The following MYOZ3 variants were observed in gnomAD, a reference collection of about 807,000 sequenced individuals.
MYOZ3 encodes the protein myozenin-3.
A neutral mutation model predicts 26.5 loss-of-function variants in MYOZ3; 19 were observed. The ratio of observed to expected loss-of-function variants is 0.72; its 90% CI spans 0.50 to 1.05. MYOZ3 has a LOEUF of 1.05. MYOZ3 is among the 50% of genes least tolerant of loss of function. The pLI, the probability that MYOZ3 is intolerant of heterozygous loss-of-function variation, is 0.00. For synonymous variants in MYOZ3, 135 were observed against 138.8 expected, an observed-to-expected ratio of 0.97 and a Z score of 0.19; for missense variants, 322 against 337.1, an observed-to-expected ratio of 0.96 and a Z score of 0.35.
chr5:150,664,076 A>G (rs540294459), intron 2 of MYOZ3, among the ~76,000 whole-genome samples: 1 of 152,122 alleles, frequency 6.6e-6, no homozygotes, highest in African/African-American at 2.4e-5. Context: ...TAATGATTTG[A>G]TGTTGGTTAA....
rs1210387745 is a variant in MYOZ3 at position 150,676,627 on chromosome 5, C to T, written c.588-80C>T. On this transcript the variant is annotated intron_variant, in intron 6 of 6. Transcript: ENST00000517768. ...GCTCAGAGAGCGGCAGGGAGGGGCC[C>T]ATACATGGTGATCCACATGTCAGTG... The T allele has an allele frequency of 2.1e-6, 3 of 1,411,940 alleles. No individual in the cohort carries two copies. The Admixed American group carries it at 5.8e-5, about 27-fold the overall frequency. The allele number at this position is 1,411,940 out of a possible 1,614,324, so 87.5% of individuals were successfully genotyped here. A position where few individuals can be genotyped will look rare whatever the true frequency, so the allele number is the denominator to read the frequency against.
At chr5:150,670,428 G>T (rs60838828) in intron 2 of MYOZ3, 56 bp from the exon 3 acceptor site, 104,926 of 1,533,632 alleles carry the variant, frequency 0.068, 7,417 homozygotes, top group African/African-American at 0.37. Flanking sequence ...GAGAGGTGGG[G>T]CCTGGAGTGT....
chr5:150,665,003 T>A lies in MYOZ3; in HGVS notation c.61+2001T>A, dbSNP rs1758785891. Among the ~76,000 whole-genome samples, 4 of 150,746 alleles carry A rather than the reference T, an allele frequency of 2.7e-5. No individual in the cohort carries two copies. The South Asian group carries it at 8.3e-4, about 31-fold the overall frequency. ...ACATACACATGGGCTAAATACTATA[T>A]GCTATGTTCTTTGGCTTTTTTTTTT... On this transcript the variant is annotated intron_variant, in intron 2 of 6. Transcript: ENST00000517768.
At chr5:150,671,228 C>T (rs1007539229) in intron 3 of MYOZ3, among the ~76,000 whole-genome samples, 4 of 152,160 alleles carry the variant, frequency 2.6e-5, no homozygotes, top group African/African-American at 9.7e-5. Context: ...GCAAAACACC[C>T]GCCTTTGCTA....
intron 2 of MYOZ3, among the ~76,000 whole-genome samples, chr5:150,665,301 C>T (rs934155025): frequency 7.2e-5 from 11 of 152,078 alleles, no homozygotes; most frequent in Non-Finnish European, 1.6e-4. Context: ...AGTGTGACCC[C>T]GCGGGGAGCT....
rs1032353693 is a variant in MYOZ3 at position 150,671,628 on chromosome 5, C to G, written c.248C>G (p.Thr83Ser). The G allele has an allele frequency of 1.2e-6, 2 of 1,613,750 alleles. No homozygotes were observed. Among genetic ancestry groups the G allele is most frequent in the African/African-American group, 2.7e-5 (2 of 74,896 alleles). Residue 83 changes from threonine (T) to serine (S), a missense_variant, in exon 4 of 7, where the codon ACT (threonine) becomes AGT (serine). By Grantham distance (58) the Thr-to-Ser change is moderately conservative. Coordinates refer to ENST00000517768, the MANE Select transcript of MYOZ3 (RefSeq NM_001122853.3). ...GCCGGAAGCGCCAGGAGGAAGGTGA[C>G]TGGAACAGCGGAGTCGGGGACGGTG... ...MLAGSARRKVTGTAESGTVAN... is the reference protein window; with the variant it reads ...MLAGSARRKVSGTAESGTVAN...
At position 150,677,069 on chromosome 5, in the gene MYOZ3, A is replaced by G; in HGVS notation, c.*194A>G. 1.7e-6 allele frequency: 1 copy of G among 581,844 alleles called. No homozygotes were observed. The highest frequency in any genetic ancestry group is 2.2e-5 in the South Asian group (1 of 45,940). 36.0% of individuals were successfully genotyped at this position (581,844 alleles called of 1,614,324 possible). A position where few individuals can be genotyped will look rare whatever the true frequency, so the allele number is the denominator to read the frequency against. On this transcript the variant is annotated 3_prime_UTR_variant, in exon 7 of 7. Transcript: ENST00000517768. Reference sequence around the variant, plus strand: ...AAAATTACCTGGGGATGTTGTTCCAAATCCAGACAACTGGACTGTCCCAGA... The same window carrying G: ...AAAATTACCTGGGGATGTTGTTCCAGATCCAGACAACTGGACTGTCCCAGA...
chr5:150,676,208 A>C (rs1173906309), intron 6 of MYOZ3, among the ~76,000 whole-genome samples: 1 of 151,580 alleles, frequency 6.6e-6, no homozygotes, highest in Non-Finnish European at 1.5e-5. Flanking sequence ...CCACCCAAGT[A>C]GGCGCAGACT....
intron 2 of MYOZ3, among the ~76,000 whole-genome samples, chr5:150,666,636 T>TATATATATACACACACAC (rs1758815326): frequency 2.1e-5 from 3 of 145,018 alleles, no homozygotes; most frequent in African/African-American, 7.6e-5. Context: ...AAAAAATATA[T>TATATATATACACACACAC]ATATATATAT....
At chr5:150,674,124 A>C (rs1319898031) in intron 6 of MYOZ3, among the ~76,000 whole-genome samples, 2 of 152,236 alleles carry the variant, frequency 1.3e-5, no homozygotes, top group Non-Finnish European at 1.5e-5. Flanking sequence ...AATTGGGCTT[A>C]GCATGCGCTG....
chr5:150,668,640 T>C (rs73276141), intron 2 of MYOZ3, among the ~76,000 whole-genome samples: 21,576 of 152,254 alleles, frequency 0.14, 2,888 homozygotes, highest in African/African-American at 0.36. Flanking sequence ...AGAGATGGAC[T>C]AGGCAGGCCG....
rs1299588209 is a variant in MYOZ3 at position 150,671,897 on chromosome 5, C to G, written c.413C>G (p.Ala138Gly). 1 of 1,553,328 alleles carries G rather than the reference C, an allele frequency of 6.4e-7. No individual in the cohort carries two copies. The highest frequency in any genetic ancestry group is 8.7e-7 in the Non-Finnish European group (1 of 1,155,604). ...APAGCVPSPS[A>G]LAPGYAEPLK... ...GCTGGGTGCGTCCCCAGCCCCAGCG[C>G]CCTGGCGCCAGGTGAGTGGCCTCCT... is the stretch of plus-strand genomic sequence containing the variant. Residue 138 changes from alanine to glycine, a missense_variant, in exon 5 of 7, where the codon GCC (alanine) becomes GGC (glycine). Coordinates refer to ENST00000517768, the MANE Select transcript of MYOZ3 (RefSeq NM_001122853.3).
chr5:150,663,225 A>G (rs528431387), intron 2 of MYOZ3, among the ~76,000 whole-genome samples: 2 of 152,230 alleles, frequency 1.3e-5, no homozygotes, highest in African/African-American at 4.8e-5. Flanking sequence ...GCTGAGGCTG[A>G]GTGTCCCAGG....
intron 6 of MYOZ3, among the ~76,000 whole-genome samples, chr5:150,675,239 G>GTGTGTGTGTGTGTGT (rs1758985056): frequency 6.6e-6 from 1 of 151,790 alleles, no homozygotes; most frequent in Admixed American, 6.6e-5. Flanking sequence ...TGTGTGTGTG[G>GTGTGTGTGTGTGTGT]GGGTGTGTGT....
intron 2 of MYOZ3, among the ~76,000 whole-genome samples, chr5:150,663,337 C>A (rs2151442631): frequency 6.6e-6 from 1 of 152,324 alleles, no homozygotes; most frequent in Non-Finnish European, 1.5e-5. Context: ...TCCAGCCCTA[C>A]CTGTGGCTGC....
At chr5:150,661,907 C>G (rs1758738093) in intron 1 of MYOZ3, among the ~76,000 whole-genome samples, 1 of 152,200 alleles carries the variant, frequency 6.6e-6, no homozygotes, top group African/African-American at 2.4e-5. Context: ...CACCCTAAAG[C>G]CCATCCATGG....
At position 150,675,676 on chromosome 5, in the gene MYOZ3, T is replaced by C. The variant is rs2151449969; in HGVS notation, c.588-1031T>C. ...CCGTGAGCCACCGTGCCCAGCCTGC[T>C]GTATAGCTTTCTATCGTGTGAGCAT... On this transcript the variant is annotated intron_variant, in intron 6 of 6. Transcript: ENST00000517768. 2.6e-5 allele frequency among the ~76,000 whole-genome samples: 4 copies of C among 152,302 alleles called. No individual in the cohort carries two copies. In the Middle Eastern group the frequency reaches 0.014, roughly 518 times the overall value.
intron 2 of MYOZ3, 28 bp downstream of exon 2, chr5:150,663,030 C>T (rs373415399): frequency 6.3e-7 from 1 of 1,576,524 alleles, no homozygotes; most frequent in Non-Finnish European, 8.6e-7. Flanking sequence ...TCATGCCTTC[C>T]TCAGACTCCA....
At chr5:150,668,320 G>T (rs953088757) in intron 2 of MYOZ3, among the ~76,000 whole-genome samples, 1 of 152,198 alleles carries the variant, frequency 6.6e-6, no homozygotes, top group Non-Finnish European at 1.5e-5. Context: ...TATAATAGTG[G>T]ATTTTCAGCC....
Sources: gnomAD v4.1 joint callset for allele counts (sites outside exome capture counted in the v4.1 genomes callset) on GRCh38, gnomAD v4.1.1 for gene constraint, MANE v1.5 for transcripts, NCBI Gene and HGNC (gene_info 2026-07-23, HGNC 2026-07-21) for gene names.